Variants in PALLD observed in about 807,000 individuals in gnomAD.
PALLD encodes palladin.
PALLD carries 61 observed loss-of-function variants against 123.5 expected under a neutral mutation model. The observed-to-expected ratio is 0.49, with a 90% CI of 0.40 to 0.61. The LOEUF (loss-of-function observed/expected upper bound fraction) is 0.61. Ranked by LOEUF, PALLD falls within the 20% of genes least tolerant of loss-of-function variation. PALLD has a pLI of 0.00. For missense variants in PALLD, 1,273 were observed against 1,377.0 expected, an observed-to-expected ratio of 0.92 and a Z score of 1.20; for synonymous variants, 465 against 496.4, an observed-to-expected ratio of 0.94 and a Z score of 0.84.
At chr4:168,705,138 A>G (rs1184190518) in intron 8 of PALLD, among the ~76,000 whole-genome samples, 2 of 151,664 alleles carry the variant, frequency 1.3e-5, no homozygotes, top group African/African-American at 4.8e-5. Flanking sequence ...GGAAAGAGAG[A>G]AGGAGGGCTT....
rs1351750406 is a variant in PALLD, at chr4:168,625,506, T to TAGATAGATAGATAGATAGATACATAG, written c.909-42683_909-42682insGATAGATAGATAGATAGATACATAGA. ...ATAAGGGATTAATATCCAGGAGATA[T>TAGATAGATAGATAGATAGATACATAG]ATATATATATATCCTATAAGGGGTT... On this transcript the variant is annotated intron_variant, in intron 2 of 21. Coordinates refer to ENST00000505667, the MANE Select transcript of PALLD (RefSeq NM_001166108.2). Among the ~76,000 whole-genome samples, 58 of 86,396 alleles carry TAGATAGATAGATAGATAGATACATAG rather than the reference T, an allele frequency of 6.7e-4. 2 individuals carry two copies. Among genetic ancestry groups the TAGATAGATAGATAGATAGATACATAG allele is most frequent in the Non-Finnish European group, 1.7e-4 (7 of 42,150 alleles). 56.7% of individuals were successfully genotyped at this position (86,396 alleles called of 152,430 possible).
At chr4:168,770,499 A>G (rs60798750) in intron 10 of PALLD, among the ~76,000 whole-genome samples, 3,233 of 152,302 alleles carry the variant, frequency 0.021, 110 homozygotes, top group African/African-American at 0.074. Flanking sequence ...GACAAACCCA[A>G]TAAAATGAGA....
At chr4:168,830,070 A>G (rs2042743749) in intron 10 of PALLD, among the ~76,000 whole-genome samples, 1 of 152,022 alleles carries the variant, frequency 6.6e-6, no homozygotes, top group Admixed American at 6.6e-5. Context: ...CATCTCTACA[A>G]AAACTACAAA....
chr4:168,538,621 C>T (rs1191104384), intron 2 of PALLD, among the ~76,000 whole-genome samples: 1 of 151,730 alleles, frequency 6.6e-6, no homozygotes, highest in African/African-American at 2.4e-5. Context: ...CAAAGCTGAA[C>T]ATAAAATAAA....
intron 10 of PALLD, among the ~76,000 whole-genome samples, chr4:168,816,411 A>ATTTT (rs201234473): frequency 3.3e-3 from 379 of 113,682 alleles, no homozygotes; most frequent in Non-Finnish European, 4.8e-3. Flanking sequence ...ATATATATAT[A>ATTTT]TATTTTTTTT....
intron 2 of PALLD, among the ~76,000 whole-genome samples, chr4:168,572,242 C>G (rs1329369871): frequency 6.6e-6 from 1 of 152,114 alleles, no homozygotes; most frequent in Admixed American, 6.5e-5. Context: ...TTTGTGGTAT[C>G]ATTTTTCAGC....
chr4:168,823,986 G>C, intron 10 of PALLD, among the ~76,000 whole-genome samples: 1 of 152,218 alleles, frequency 6.6e-6, no homozygotes, highest in Non-Finnish European at 1.5e-5. Context: ...GTTATGTCAA[G>C]CTTGTACTTG....
chr4:168,549,894 A>G (rs898981351), intron 2 of PALLD, among the ~76,000 whole-genome samples: 1 of 152,238 alleles, frequency 6.6e-6, no homozygotes, highest in Non-Finnish European at 1.5e-5. Context: ...ATGAAATTCT[A>G]TCCCCAAAAT....
At chr4:168,811,957 G>A (rs1026037540) in intron 10 of PALLD, among the ~76,000 whole-genome samples, 2 of 152,148 alleles carry the variant, frequency 1.3e-5, no homozygotes, top group Non-Finnish European at 2.9e-5. Flanking sequence ...GTTTCCTGAA[G>A]GTCTGTTGAG....
intron 10 of PALLD, among the ~76,000 whole-genome samples, chr4:168,736,496 G>A (rs921151310): frequency 7.2e-5 from 11 of 152,182 alleles, no homozygotes; most frequent in Non-Finnish European, 1.3e-4. Flanking sequence ...ATTTTATTCC[G>A]AAGTCCTTTC....
intron 10 of PALLD, among the ~76,000 whole-genome samples, chr4:168,802,911 C>T (rs1051087759): frequency 6.6e-5 from 10 of 152,076 alleles, no homozygotes; most frequent in African/African-American, 1.9e-4. Flanking sequence ...AGGCTGGTCT[C>T]GAACCCCCGA....
chr4:168,898,769 T>G, intron 14 of PALLD, 55 bp downstream of exon 14: 2 of 1,114,112 alleles, frequency 1.8e-6, no homozygotes, highest in East Asian at 4.7e-5. Context: ...AAGGTTTAGC[T>G]TCCAAAACAT....
intron 2 of PALLD, among the ~76,000 whole-genome samples, chr4:168,600,131 A>C (rs1385853432): frequency 6.6e-6 from 1 of 151,850 alleles, no homozygotes; most frequent in African/African-American, 2.4e-5. Flanking sequence ...ATGTGTATAC[A>C]CACATATATA....
At chr4:168,649,466 A>T (rs376095552) in intron 2 of PALLD, among the ~76,000 whole-genome samples, 2 of 152,334 alleles carry the variant, frequency 1.3e-5, no homozygotes, top group South Asian at 4.1e-4. Context: ...GTGTCATGGA[A>T]GTGCTCTCAA....
At chr4:168,913,280 G>A (rs925905900) in intron 15 of PALLD, among the ~76,000 whole-genome samples, 2 of 151,768 alleles carry the variant, frequency 1.3e-5, no homozygotes, top group African/African-American at 4.8e-5. Context: ...GGGACTATAG[G>A]TGCATGCCAC....
rs186278051 is a variant in PALLD, at chr4:168,669,393, C to T, written c.1087+1025C>T. On this transcript the variant is annotated intron_variant, in intron 3 of 21. Transcript: ENST00000505667. ...CCAGACTGGGCAACATACTGAGACC[C>T]TGTCTCAAAAAACAAAACAAAACAA... is the stretch of plus-strand genomic sequence containing the variant. Among the ~76,000 whole-genome samples, 394 of 152,186 alleles carry T rather than the reference C, an allele frequency of 2.6e-3. 12 individuals are homozygous for T. The highest frequency in any genetic ancestry group is 0.024 in the Admixed American group (363 of 15,274).
At chr4:168,588,465 G>A (rs546965572) in intron 2 of PALLD, among the ~76,000 whole-genome samples, 274 of 151,966 alleles carry the variant, frequency 1.8e-3, no homozygotes, top group African/African-American at 6.4e-3. Flanking sequence ...GTGCAGTGGC[G>A]TGCTCACCTC....
intron 10 of PALLD, among the ~76,000 whole-genome samples, chr4:168,717,227 A>G (rs572928820): frequency 1.3e-5 from 2 of 152,290 alleles, no homozygotes; most frequent in African/African-American, 4.8e-5. Flanking sequence ...GACAAATAGT[A>G]GATGCTCAAC....
intron 2 of PALLD, among the ~76,000 whole-genome samples, chr4:168,652,277 T>C (rs1375322140): frequency 6.6e-6 from 1 of 152,020 alleles, no homozygotes; most frequent in Non-Finnish European, 1.5e-5. Context: ...GATATAAAAA[T>C]GGAGGAAGGG....
Sources: allele counts gnomAD v4.1 joint callset (sites outside exome capture counted in the v4.1 genomes callset), GRCh38; gene constraint gnomAD v4.1.1; transcripts MANE v1.5; gene names NCBI Gene and HGNC (gene_info 2026-07-23, HGNC 2026-07-21).